Variants in ZNF683 observed in about 807,000 individuals in gnomAD.
The protein encoded by ZNF683 is zinc finger protein 683, also known as tissue-resident T-cell transcription regulator protein ZNF683.
ZNF683 carries 20 observed loss-of-function variants against 31.4 expected under a neutral mutation model. That is an observed-to-expected ratio of 0.64 (90% CI 0.45 to 0.93). The LOEUF (loss-of-function observed/expected upper bound fraction) is 0.93, where lower values mean the gene tolerates loss of function less well. Ranked by LOEUF, ZNF683 falls within the 40% of genes least tolerant of loss-of-function variation. The pLI, the probability that ZNF683 is intolerant of heterozygous loss-of-function variation, is 0.00. For missense variants in ZNF683, 621 were observed against 637.2 expected, an observed-to-expected ratio of 0.97 and a Z score of 0.27; for synonymous variants, 264 against 267.6, an observed-to-expected ratio of 0.99 and a Z score of 0.13.
intron 1 of ZNF683, among the ~76,000 whole-genome samples, chr1:26,371,904 C>T (rs967241663): frequency 1.3e-5 from 2 of 152,078 alleles, no homozygotes; most frequent in African/African-American, 4.8e-5. Context: ...TGCACTCCAG[C>T]CTGGGTGACA....
At chr1:26,368,327 T>A in intron 2 of ZNF683, 131 bp downstream of exon 2, 1 of 1,122,850 alleles carries the variant, frequency 8.9e-7, no homozygotes, top group Non-Finnish European at 1.2e-6. Context: ...CCCTATGATG[T>A]GCCTGGGATA....
chr1:26,361,751 T>C lies in ZNF683; in HGVS notation c.1415A>G (p.Asp472Gly). Residue 472 changes from aspartate to glycine, a missense_variant, in exon 6 of 6, where the codon GAT becomes GGT. Asp to Gly is a moderately conservative substitution (Grantham distance 94). Transcript: ENST00000349618. ...GGATGTCGAGGACACTTTGACCTCA[T>C]CTATGTCATAGCCCATGTGTTTCTC... ...ASEKHMGYDI[D>G]EVKVSSTSQG... 6.2e-7 allele frequency: 1 copy of C among 1,614,046 alleles called. No homozygotes were observed. Among genetic ancestry groups the C allele is most frequent in the Non-Finnish European group, 8.5e-7 (1 of 1,179,900 alleles).
intron 3 of ZNF683, 144 bp from the exon 4 acceptor site, chr1:26,365,370 G>A: frequency 1.1e-6 from 1 of 887,616 alleles, no homozygotes; most frequent in East Asian, 2.8e-5. Context: ...AATTTCAGGG[G>A]GAGAAAGCAG....
chr1:26,364,333 G>A (rs2074460299), intron 4 of ZNF683, among the ~76,000 whole-genome samples, 199 bp downstream of exon 4: 1 of 152,184 alleles, frequency 6.6e-6, no homozygotes, highest in South Asian at 2.1e-4. Flanking sequence ...CTCATAGGCA[G>A]TCCTCTAGGG....
chr1:26,364,177 A>G (rs1215001847), intron 4 of ZNF683, among the ~76,000 whole-genome samples: 1 of 152,250 alleles, frequency 6.6e-6, no homozygotes, highest in African/African-American at 2.4e-5. Flanking sequence ...GAGTCCAGAA[A>G]GGATGGTTGT....
chr1:26,374,060 G>A (rs902256922), upstream of ZNF683, among the ~76,000 whole-genome samples: 3 of 149,380 alleles, frequency 2.0e-5, no homozygotes, highest in Non-Finnish European at 3.0e-5. Context: ...CTTCCCACAT[G>A]CTGTTCCCAG....
chr1:26,371,208 T>C (rs561107723), intron 1 of ZNF683, among the ~76,000 whole-genome samples: 1 of 152,270 alleles, frequency 6.6e-6, no homozygotes, highest in South Asian at 2.1e-4. Flanking sequence ...CTCACAGAGA[T>C]ACAGCAAACA....
rs149243814 is a variant in ZNF683, at chr1:26,361,828, G to A, written c.1338C>T (p.Ala446=). 1.9e-6 allele frequency: 3 copies of A among 1,613,968 alleles called. No homozygotes were observed. Among genetic ancestry groups the A allele is most frequent in the African/African-American group, 2.7e-5 (2 of 74,960 alleles). The change falls in exon 6 of 6, where the codon GCC becomes GCT. Residue 446 remains alanine, a synonymous_variant. Coordinates refer to ENST00000349618, the MANE Select transcript of ZNF683 (RefSeq NM_001114759.3). ...CCCCCTGGTGCCATTGGGCAAGGCAGGCCAGAGAGGCCAGGGGCAGCTGGG... is the reference window on the plus strand; with the variant it reads ...CCCCCTGGTGCCATTGGGCAAGGCAAGCCAGAGAGGCCAGGGGCAGCTGGG... ...VHTQLPLASL[A]CLAQWHQGAL...
At chr1:26,370,489 G>T in intron 1 of ZNF683, 1 of 246,720 alleles carries the variant, frequency 4.1e-6, no homozygotes, top group Non-Finnish European at 6.5e-6. Flanking sequence ...CCCCTTCCCC[G>T]TCACCTCAGG....
chr1:26,368,645 C>T (rs150516291), intron 1 of ZNF683, 60 bp from the exon 2 acceptor site: 11 of 1,487,376 alleles, frequency 7.4e-6, no homozygotes, highest in Non-Finnish European at 9.9e-6. Flanking sequence ...AGTCTGAGTT[C>T]TAGGACTGGC....
intron 3 of ZNF683, 103 bp from the exon 4 acceptor site, chr1:26,365,329 C>T (rs951538899): frequency 5.8e-5 from 70 of 1,202,728 alleles, no homozygotes; most frequent in Admixed American, 5.6e-5. Context: ...CTCCAGCCTG[C>T]GAGCCTGCTA....
At chr1:26,368,847 C>T (rs1570267306) in intron 1 of ZNF683, among the ~76,000 whole-genome samples, 1 of 152,206 alleles carries the variant, frequency 6.6e-6, no homozygotes, top group African/African-American at 2.4e-5. Flanking sequence ...TGCCGTGGCT[C>T]AAGCCTGTAA....
chr1:26,362,917 C>T, intron 5 of ZNF683, 109 bp downstream of exon 5: 1 of 1,416,396 alleles, frequency 7.1e-7, no homozygotes, highest in Non-Finnish European at 9.5e-7. Context: ...TTCCCATCTC[C>T]ACTTGCTCAG....
chr1:26,371,617 T>C (rs1442448857), intron 1 of ZNF683, among the ~76,000 whole-genome samples: 1 of 103,498 alleles, frequency 9.7e-6, no homozygotes, highest in Non-Finnish European at 2.0e-5. Context: ...AAAAAAAAAA[T>C]AGACATAGCA....
intron 1 of ZNF683, among the ~76,000 whole-genome samples, chr1:26,371,556 T>A (rs10902746): frequency 6.6e-6 from 1 of 151,224 alleles, no homozygotes; most frequent in East Asian, 2.0e-4. Flanking sequence ...ACTAGGATAT[T>A]GCCACTGCAC....
At position 26,361,955 on chromosome 1, in the gene ZNF683, C is replaced by T. The variant is rs748428223; in HGVS notation, c.1211G>A (p.Arg404Gln). The T allele has an allele frequency of 3.5e-5, 56 of 1,613,808 alleles. 1 individual carries two copies. The highest frequency in any genetic ancestry group is 1.8e-4 in the East Asian group (8 of 44,892). ...CCGGCAGACACTGCACTGGAAGGGCCGGGCCCCGGAGTGCAGGCGCAGGTG... is the reference window on the plus strand; with the variant it reads ...CCGGCAGACACTGCACTGGAAGGGCTGGGCCCCGGAGTGCAGGCGCAGGTG... ...KTHLRLHSGA[R>Q]PFQCSVCRSR... is the part of the protein sequence containing the mutation. The change falls in exon 6 of 6, where the codon CGG becomes CAG. Residue 404 changes from arginine to glutamine, a missense_variant. Coordinates refer to ENST00000349618, the MANE Select transcript of ZNF683 (RefSeq NM_001114759.3).
intron 3 of ZNF683, among the ~76,000 whole-genome samples, chr1:26,366,462 G>C (rs2074525972): frequency 6.6e-6 from 1 of 151,874 alleles, no homozygotes; most frequent in South Asian, 2.1e-4. Flanking sequence ...AGAAATAAAG[G>C]ACACAGCAAG....
chr1:26,363,361 T>C (rs147002083), intron 4 of ZNF683, among the ~76,000 whole-genome samples: 1 of 152,272 alleles, frequency 6.6e-6, no homozygotes, highest in African/African-American at 2.4e-5. Context: ...CCCAGGTATA[T>C]TGTGGAACAC....
chr1:26,372,978 G>A (rs1350794940), upstream of ZNF683, among the ~76,000 whole-genome samples: 1 of 152,236 alleles, frequency 6.6e-6, no homozygotes, highest in Non-Finnish European at 1.5e-5. Flanking sequence ...AGCATGAGAA[G>A]AGGCATAACC....
Sources: allele counts gnomAD v4.1 joint callset (sites outside exome capture counted in the v4.1 genomes callset), GRCh38; gene constraint gnomAD v4.1.1; transcripts MANE v1.5; gene names NCBI Gene and HGNC (gene_info 2026-07-23, HGNC 2026-07-21).